GABRB1: variants seen among roughly 807,000 people sequenced by gnomAD.
GABRB1 encodes the protein gamma-aminobutyric acid receptor subunit beta-1.
Under a neutral mutation model 51.6 loss-of-function variants are expected in GABRB1, and 17 were observed. That is an observed-to-expected ratio of 0.33 (90% CI 0.23 to 0.49). GABRB1 has a LOEUF of 0.49. GABRB1 is among the 20% of genes least tolerant of loss of function. GABRB1 has a pLI of 0.99. For missense variants in GABRB1, 410 were observed against 600.6 expected (o/e 0.68, Z 3.32); for synonymous variants, 247 against 218.9 (o/e 1.13, Z -1.14).
At chr4:47,267,051 C>G (rs1409881730) in intron 4 of GABRB1, among the ~76,000 whole-genome samples, 1 of 151,954 alleles carries the variant, frequency 6.6e-6, no homozygotes, top group East Asian at 1.9e-4. Flanking sequence ...TCTAAATATA[C>G]CTGTCCTGCT....
chr4:47,346,047 C>CAAAAAAA (rs10672251), intron 5 of GABRB1, among the ~76,000 whole-genome samples: 2 of 142,860 alleles, frequency 1.4e-5, no homozygotes, highest in East Asian at 2.0e-4. Context: ...TTGAAAATGG[C>CAAAAAAA]AAAAAAAAAA....
intron 5 of GABRB1, among the ~76,000 whole-genome samples, chr4:47,394,057 G>A (rs1463225812): frequency 1.3e-5 from 2 of 152,218 alleles, no homozygotes; most frequent in Non-Finnish European, 2.9e-5. Context: ...ATCCAGAGAA[G>A]TTGTCTGTGG....
At chr4:47,230,050 A>G (rs1721083777) in intron 4 of GABRB1, among the ~76,000 whole-genome samples, 1 of 152,204 alleles carries the variant, frequency 6.6e-6, no homozygotes, top group Admixed American at 6.6e-5. Context: ...TAAAGATAAC[A>G]CTTTACAAAA....
intron 4 of GABRB1, among the ~76,000 whole-genome samples, chr4:47,292,351 C>G (rs1723778904): frequency 6.6e-6 from 1 of 152,098 alleles, no homozygotes; most frequent in African/African-American, 2.4e-5. Context: ...TCTTTATCAG[C>G]AGTGTGAAAA....
chr4:47,037,830 G>A (rs889618320), intron 3 of GABRB1, among the ~76,000 whole-genome samples: 2 of 152,118 alleles, frequency 1.3e-5, no homozygotes, highest in Admixed American at 6.5e-5. Flanking sequence ...AACTGAGGCT[G>A]AGAGAGCGGG....
intron 3 of GABRB1, among the ~76,000 whole-genome samples, chr4:47,144,780 C>A (rs1297826596): frequency 6.6e-6 from 1 of 151,378 alleles, no homozygotes; most frequent in East Asian, 1.9e-4. Flanking sequence ...GGGAAACCAT[C>A]ACAACTAACA....
intron 5 of GABRB1, among the ~76,000 whole-genome samples, chr4:47,333,522 C>T (rs1166242796): frequency 1.3e-5 from 2 of 152,078 alleles, no homozygotes; most frequent in Admixed American, 1.3e-4. Flanking sequence ...CAAAACCAGC[C>T]TGGCCAACCT....
chr4:47,285,490 ACTTTTCT>A (rs1166951634), intron 4 of GABRB1, among the ~76,000 whole-genome samples: 5 of 152,192 alleles, frequency 3.3e-5, no homozygotes, highest in African/African-American at 1.2e-4. Context: ...GGTAAATTCT[ACTTTTCT>A]CTTTTAGTTT....
intron 8 of GABRB1, among the ~76,000 whole-genome samples, chr4:47,419,374 G>T (rs1183811781): frequency 6.6e-6 from 1 of 152,176 alleles, no homozygotes; most frequent in Non-Finnish European, 1.5e-5. Context: ...AGGCCTTAAG[G>T]CTGGGTGTCA....
chr4:47,397,514 T>G (rs776407571), intron 5 of GABRB1, among the ~76,000 whole-genome samples: 11 of 152,192 alleles, frequency 7.2e-5, no homozygotes, highest in African/African-American at 1.2e-4. Flanking sequence ...TTGTAAGTAT[T>G]GAGATTGTAT....
At chr4:47,359,161 A>T (rs1455136642) in intron 5 of GABRB1, among the ~76,000 whole-genome samples, 2 of 152,180 alleles carry the variant, frequency 1.3e-5, no homozygotes, top group Non-Finnish European at 2.9e-5. Flanking sequence ...AATATTCTTC[A>T]TGTGCAAGTA....
At chr4:47,257,883 C>T (rs755119641) in intron 4 of GABRB1, among the ~76,000 whole-genome samples, 11 of 151,862 alleles carry the variant, frequency 7.2e-5, no homozygotes, top group Non-Finnish European at 1.6e-4. Flanking sequence ...CTCAGTCTTA[C>T]ACTTCACTCC....
At chr4:47,089,185 T>A (rs1728196425) in intron 3 of GABRB1, among the ~76,000 whole-genome samples, 1 of 152,218 alleles carries the variant, frequency 6.6e-6, no homozygotes, top group Non-Finnish European at 1.5e-5. Flanking sequence ...TTTGGGGATC[T>A]CTAGTTTGCA....
chr4:46,997,565 A>C (rs1724039618), intron 1 of GABRB1, among the ~76,000 whole-genome samples: 1 of 151,996 alleles, frequency 6.6e-6, no homozygotes, highest in Non-Finnish European at 1.5e-5. Context: ...TTGACTATTT[A>C]TAGATTCCAC....
At chr4:47,419,166 C>T (rs1369795306) in intron 8 of GABRB1, among the ~76,000 whole-genome samples, 4 of 152,222 alleles carry the variant, frequency 2.6e-5, no homozygotes, top group Admixed American at 2.6e-4. Context: ...TCACCACCAT[C>T]TTCCCAGGAC....
At chr4:47,287,732 G>T (rs1476542956) in intron 4 of GABRB1, among the ~76,000 whole-genome samples, 2 of 152,210 alleles carry the variant, frequency 1.3e-5, no homozygotes, top group African/African-American at 2.4e-5. Context: ...TAAAAAGCCT[G>T]ACTTCTAGCC....
At chr4:47,149,742 T>A (rs1181560379) in intron 3 of GABRB1, among the ~76,000 whole-genome samples, 2 of 122,998 alleles carry the variant, frequency 1.6e-5, no homozygotes. Context: ...GTTATCCAAA[T>A]TTTTGCTTTA....
intron 8 of GABRB1, among the ~76,000 whole-genome samples, chr4:47,417,480 G>A (rs1042375253): frequency 1.3e-5 from 2 of 151,760 alleles, no homozygotes; most frequent in Admixed American, 1.3e-4. Context: ...AGGAATTCCA[G>A]CCTAAGAGAT....
chr4:47,262,344 C>T (rs961879404), intron 4 of GABRB1, among the ~76,000 whole-genome samples: 3 of 151,852 alleles, frequency 2.0e-5, no homozygotes, highest in East Asian at 3.9e-4. Flanking sequence ...AACAAATTTA[C>T]AAGAAAAAAA....
Sources: allele counts gnomAD v4.1 joint callset (sites outside exome capture counted in the v4.1 genomes callset), GRCh38; gene constraint gnomAD v4.1.1; transcripts MANE v1.5; gene names NCBI Gene and HGNC (gene_info 2026-07-23, HGNC 2026-07-21).